Variants in LRRC37B observed in about 807,000 individuals in gnomAD.
LRRC37B encodes the protein leucine-rich repeat-containing protein 37B.
LRRC37B carries 28 observed loss-of-function variants against 98.3 expected under a neutral mutation model. The ratio of observed to expected loss-of-function variants is 0.28; its 90% CI spans 0.21 to 0.39. The LOEUF is 0.39. Ranked by LOEUF, LRRC37B falls within the 10% of genes least tolerant of loss-of-function variation. LRRC37B has a pLI of 1.00. For synonymous variants in LRRC37B, 364 were observed against 442.7 expected (o/e 0.82, Z 2.23); for missense variants, 938 against 1,182.7 (o/e 0.79, Z 3.03).
chr17:32,021,872 G>C (rs755772950), exon 1 of LRRC37B: 15 of 1,614,008 alleles, frequency 9.3e-6, no homozygotes, highest in Non-Finnish European at 1.2e-5. Context: ...CAGAACTCCG[G>C]GTGAACGCAG....
intron 2 of LRRC37B, among the ~76,000 whole-genome samples, chr17:32,027,527 T>TTGTG (rs140364279): frequency 7.0e-6 from 1 of 143,176 alleles, no homozygotes; most frequent in Non-Finnish European, 1.5e-5. Context: ...GTGTGTGTGC[T>TTGTG]TGTGTGTGTG....
chr17:32,035,432 C>A, intron 6 of LRRC37B, 133 bp from the exon 10 acceptor site: 2 of 944,058 alleles, frequency 2.1e-6, no homozygotes, highest in South Asian at 1.7e-5. Flanking sequence ...AATTTTACGG[C>A]AAATAAACTA....
intron 7 of LRRC37B, among the ~76,000 whole-genome samples, chr17:32,044,546 G>A (rs1911524746): frequency 6.6e-6 from 1 of 152,118 alleles, no homozygotes; most frequent in Non-Finnish European, 1.5e-5. Context: ...ATAATGCTAA[G>A]TTTGATCACT....
chr17:32,042,940 A>G (rs906407045), intron 7 of LRRC37B: 4 of 152,016 alleles, frequency 2.6e-5, no homozygotes, highest in African/African-American at 4.8e-5. Flanking sequence ...AAATGTGTAT[A>G]TGGAATGCAT....
In LRRC37B at chr17:32,022,462, C is replaced by T. The variant is rs537667819; in HGVS notation, c.1397C>T (p.Thr466Met). The change falls in exon 1 of 12, where the codon ACG becomes ATG. Residue 466 changes from threonine to methionine, a missense_variant. Around this residue, in one of 2 missense-constraint regions of LRRC37B, gnomAD observed 610 missense variants for 625.6 expected, o/e 0.98. Transcript: ENST00000327564. Reference sequence around the variant, plus strand: ...ACAGAGGTTAAACCGTCTCCAACCACGGAGGAAACCTCAGCTCAGCCTCCA... The same window carrying T: ...ACAGAGGTTAAACCGTCTCCAACCATGGAGGAAACCTCAGCTCAGCCTCCA... 1.3e-5 allele frequency: 21 copies of T among 1,612,900 alleles called. No homozygotes were observed. The highest frequency in any genetic ancestry group is 1.9e-4 in the Middle Eastern group (1 of 5,176).
chr17:32,042,119 C>T (rs970454393), intron 7 of LRRC37B: 2 of 306,692 alleles, frequency 6.5e-6, no homozygotes, highest in African/African-American at 4.4e-5. Context: ...GTTTCCCTGG[C>T]CTGCTGTCAG....
chr17:32,017,761 C>T (rs1194819220), upstream of LRRC37B, among the ~76,000 whole-genome samples: 1 of 152,110 alleles, frequency 6.6e-6, no homozygotes, highest in East Asian at 1.9e-4. Context: ...CACTGCACTT[C>T]AGCCTGGGTG....
At chr17:32,036,842 G>A (rs1911256582) in intron 7 of LRRC37B, among the ~76,000 whole-genome samples, 1 of 152,128 alleles carries the variant, frequency 6.6e-6, no homozygotes, top group Non-Finnish European at 1.5e-5. Context: ...TAAATACCTA[G>A]GAGTTGGATT....
At chr17:32,024,628 C>G in intron 1 of LRRC37B, 83 bp from the exon 5 acceptor site, 2 of 1,604,034 alleles carry the variant, frequency 1.2e-6, no homozygotes, top group Non-Finnish European at 8.5e-7. Context: ...CGAATATCCC[C>G]GACAAGGTTG....
At chr17:32,007,813 G>A (rs1463931016), upstream of LRRC37B, 1 of 1,182,772 alleles carries the variant, frequency 8.5e-7, no homozygotes, top group Admixed American at 4.6e-5. The surrounding 1 kb of genome is among the most constrained non-coding windows in gnomAD (Gnocchi z 4.1). Flanking sequence ...GTGGGCAGCA[G>A]TAGCCGGAGG....
At position 32,026,720 on chromosome 17, in the gene LRRC37B, G is replaced by C. The variant is rs752139078; in HGVS notation, c.1833-1049G>C. 6.1e-4 allele frequency among the ~76,000 whole-genome samples: 93 copies of C among 151,436 alleles called. 1 individual carries two copies. The highest frequency in any genetic ancestry group is 5.2e-3 in the East Asian group (27 of 5,166). On this transcript the variant is annotated intron_variant, in intron 2 of 11. Transcript: ENST00000327564. ...CTGGGATTACAGGCATGAGCCACCA[G>C]GCCAGGCCAGGACTACATTTTAAAA...
At chr17:32,048,890 A>G in intron 9 of LRRC37B, 1 of 1,514,278 alleles carries the variant, frequency 6.6e-7, no homozygotes, top group Admixed American at 1.7e-5. Context: ...AAAAGACACA[A>G]CTAATGTAAA....
upstream of LRRC37B, chr17:32,007,809 A>G: frequency 8.4e-7 from 1 of 1,183,712 alleles, no homozygotes; most frequent in Non-Finnish European, 1.0e-6. This position sits in a 1 kb window ranked among gnomAD's most constrained non-coding sequence, Gnocchi z 4.1. Flanking sequence ...CAGGGTGGGC[A>G]GCAGTAGCCG....
intron 5 of LRRC37B, 81 bp downstream of exon 8, chr17:32,031,539 G>A (rs1911106848): frequency 1.8e-6 from 2 of 1,102,482 alleles, no homozygotes; most frequent in East Asian, 3.2e-5. Context: ...CTGGGTATAA[G>A]CCCATTATGA....
At chr17:32,022,870 A>T in intron 1 of LRRC37B, 45 bp downstream of exon 4, 1 of 1,576,630 alleles carries the variant, frequency 6.3e-7, no homozygotes, top group Non-Finnish European at 8.7e-7. Context: ...CTTGCCTGAC[A>T]TGGCAGCCTT....
At chr17:32,013,435 T>G (rs1247709120) in intron 1 of LRRC37B, among the ~76,000 whole-genome samples, 1 of 152,160 alleles carries the variant, frequency 6.6e-6, no homozygotes, top group Non-Finnish European at 1.5e-5. Flanking sequence ...GGATTTAGGT[T>G]TCCTATTTTA....
chr17:32,043,813 T>G (rs1487373208), intron 7 of LRRC37B, among the ~76,000 whole-genome samples: 1 of 152,096 alleles, frequency 6.6e-6, no homozygotes, highest in Non-Finnish European at 1.5e-5. Flanking sequence ...TTGAATACTC[T>G]TCTGTTTCCA....
chr17:32,021,692 A>G, exon 1 of LRRC37B: 1 of 1,614,252 alleles, frequency 6.2e-7, no homozygotes, highest in Non-Finnish European at 8.5e-7. Flanking sequence ...TTTCAAGACC[A>G]ACCAAATTTG....
At chr17:32,042,300 G>A (rs7209840) in intron 7 of LRRC37B, 7,172 of 175,834 alleles carry the variant, frequency 0.041, 491 homozygotes, top group African/African-American at 0.15. Context: ...CCAGGCCCAC[G>A]GAAGCCTGTG....
Sources: allele counts gnomAD v4.1 joint callset (sites outside exome capture counted in the v4.1 genomes callset), GRCh38; gene constraint gnomAD v4.1.1; regional missense constraint gnomAD v4.1.1; non-coding constraint Gnocchi (gnomAD v3.1); transcripts MANE v1.5; gene names NCBI Gene and HGNC (gene_info 2026-07-23, HGNC 2026-07-21).